HS6ST3: variants seen among roughly 807,000 people sequenced by gnomAD.
HS6ST3 encodes the protein heparan sulfate 6-O-sulfotransferase 3.
A neutral mutation model predicts 36.7 loss-of-function variants in HS6ST3; 12 were observed. The observed-to-expected ratio is 0.33, with a 90% CI of 0.21 to 0.53. HS6ST3 has a LOEUF of 0.53. HS6ST3 is among the 20% of genes least tolerant of loss of function. The pLI, the probability that HS6ST3 is intolerant of heterozygous loss-of-function variation, is 0.95. For missense variants in HS6ST3, 584 were observed against 640.9 expected, an observed-to-expected ratio of 0.91 and a Z score of 0.96; for synonymous variants, 240 against 257.5, an observed-to-expected ratio of 0.93 and a Z score of 0.65.
intron 1 of HS6ST3, among the ~76,000 whole-genome samples, chr13:96,519,605 T>G (rs777242764): frequency 2.0e-5 from 3 of 152,212 alleles, no homozygotes; most frequent in Non-Finnish European, 4.4e-5. Context: ...CAGTTACAAC[T>G]TACTTGGAAA....
intron 1 of HS6ST3, among the ~76,000 whole-genome samples, chr13:96,226,247 G>A (rs754789102): frequency 3.3e-5 from 5 of 152,316 alleles, no homozygotes; most frequent in Non-Finnish European, 7.4e-5. Flanking sequence ...TTGGCCAGAC[G>A]CAGGGGCTCA....
chr13:96,189,915 G>T (rs558771849), intron 1 of HS6ST3, among the ~76,000 whole-genome samples: 1 of 152,180 alleles, frequency 6.6e-6, no homozygotes, highest in Non-Finnish European at 1.5e-5. Context: ...GTAGGGCAGG[G>T]ACAGGAGAGT....
intron 1 of HS6ST3, among the ~76,000 whole-genome samples, chr13:96,696,718 A>C (rs1875138840): frequency 6.6e-6 from 1 of 152,124 alleles, no homozygotes; most frequent in South Asian, 2.1e-4. Flanking sequence ...AAACATGGAA[A>C]ATTTTTCTCT....
chr13:96,301,261 A>G (rs1000953065), intron 1 of HS6ST3, among the ~76,000 whole-genome samples: 2 of 152,240 alleles, frequency 1.3e-5, no homozygotes, highest in Non-Finnish European at 2.9e-5. Flanking sequence ...AATATTTGCC[A>G]ATCTTATATA....
At chr13:96,820,232 A>C (rs1205486291) in intron 1 of HS6ST3, among the ~76,000 whole-genome samples, 1 of 152,250 alleles carries the variant, frequency 6.6e-6, no homozygotes, top group East Asian at 1.9e-4. Flanking sequence ...GGATGAAGAA[A>C]GTAGTTTGAA....
chr13:96,738,208 C>A (rs1876334891), intron 1 of HS6ST3, among the ~76,000 whole-genome samples: 1 of 152,198 alleles, frequency 6.6e-6, no homozygotes, highest in Non-Finnish European at 1.5e-5. Flanking sequence ...AATAGGCATT[C>A]TCAGACGTTA....
At chr13:96,732,950 T>A (rs1032092200) in intron 1 of HS6ST3, among the ~76,000 whole-genome samples, 4 of 152,236 alleles carry the variant, frequency 2.6e-5, no homozygotes, top group African/African-American at 9.6e-5. Flanking sequence ...TTGCTGTTAG[T>A]GTATAGAAAT....
At chr13:96,251,756 A>G (rs764723033) in intron 1 of HS6ST3, among the ~76,000 whole-genome samples, 1 of 151,124 alleles carries the variant, frequency 6.6e-6, no homozygotes, top group Non-Finnish European at 1.5e-5. Flanking sequence ...TTTTATTTTT[A>G]TTTTCATTTA....
At chr13:96,521,183 C>T (rs143037656) in intron 1 of HS6ST3, among the ~76,000 whole-genome samples, 19 of 152,344 alleles carry the variant, frequency 1.2e-4, no homozygotes, top group Non-Finnish European at 2.5e-4. Context: ...ACCAGCCTTG[C>T]ATCCCAGGGA....
chr13:96,470,692 C>G (rs1282883236), intron 1 of HS6ST3, among the ~76,000 whole-genome samples: 1 of 152,196 alleles, frequency 6.6e-6, no homozygotes, highest in Non-Finnish European at 1.5e-5. Context: ...CCACTGCACT[C>G]TTGCCTCTGT....
intron 1 of HS6ST3, among the ~76,000 whole-genome samples, chr13:96,578,379 A>G (rs2056329379): frequency 6.6e-6 from 1 of 152,088 alleles, no homozygotes; most frequent in Non-Finnish European, 1.5e-5. Flanking sequence ...CCATGTGGAG[A>G]TGAAGCTCCG....
At chr13:96,824,219 C>A (rs1440839092) in intron 1 of HS6ST3, among the ~76,000 whole-genome samples, 1 of 152,208 alleles carries the variant, frequency 6.6e-6, no homozygotes. Context: ...CCTTCTAAGT[C>A]AGCATGAGGG....
intron 1 of HS6ST3, among the ~76,000 whole-genome samples, chr13:96,213,507 G>A (rs911080569): frequency 2.8e-4 from 43 of 151,302 alleles, no homozygotes; most frequent in Admixed American, 4.0e-4. Flanking sequence ...GCCTATGGCC[G>A]ACTGCCTCTG....
chr13:96,145,890 G>T (rs964876603), intron 1 of HS6ST3, among the ~76,000 whole-genome samples: 1 of 152,078 alleles, frequency 6.6e-6, no homozygotes, highest in African/African-American at 2.4e-5. Context: ...AGTTTCCCCA[G>T]CACCATTTAT....
At chr13:96,119,309 CAGG>C (rs1053631117) in intron 1 of HS6ST3, among the ~76,000 whole-genome samples, 20 of 151,874 alleles carry the variant, frequency 1.3e-4, no homozygotes, top group African/African-American at 4.6e-4. Context: ...TTTAAAATAA[CAGG>C]AGATGATTTT....
At chr13:96,165,652 A>G (rs77199923) in intron 1 of HS6ST3, among the ~76,000 whole-genome samples, 1 of 152,146 alleles carries the variant, frequency 6.6e-6, no homozygotes, top group Non-Finnish European at 1.5e-5. Context: ...TGGGTGGGTC[A>G]TGTCTGGGAA....
intron 1 of HS6ST3, among the ~76,000 whole-genome samples, chr13:96,490,865 C>G (rs1278475252): frequency 6.6e-6 from 1 of 152,242 alleles, no homozygotes; most frequent in Non-Finnish European, 1.5e-5. Flanking sequence ...TTAGAGCATA[C>G]TGTGCTACTT....
intron 1 of HS6ST3, among the ~76,000 whole-genome samples, chr13:96,375,819 A>G (rs1304227293): frequency 2.0e-5 from 3 of 152,220 alleles, no homozygotes; most frequent in Non-Finnish European, 4.4e-5. Flanking sequence ...GATTTTCTTT[A>G]CGAATATTGC....
At chr13:96,630,086 T>C (rs1393590446) in intron 1 of HS6ST3, among the ~76,000 whole-genome samples, 1 of 152,234 alleles carries the variant, frequency 6.6e-6, no homozygotes, top group Non-Finnish European at 1.5e-5. Flanking sequence ...CATGCTATTT[T>C]AAAACTTACT....
Sources: allele counts gnomAD v4.1 joint callset (sites outside exome capture counted in the v4.1 genomes callset), GRCh38; gene constraint gnomAD v4.1.1; transcripts MANE v1.5; gene names NCBI Gene and HGNC (gene_info 2026-07-23, HGNC 2026-07-21).